SYNPR: variants seen among roughly 807,000 people sequenced by gnomAD.
The protein encoded by SYNPR is synaptoporin.
Under a neutral mutation model 32.9 loss-of-function variants are expected in SYNPR, and 23 were observed. The observed-to-expected ratio is 0.70, with a 90% CI of 0.50 to 0.99. The LOEUF is 0.99. SYNPR is among the 50% of genes least tolerant of loss of function. The pLI is 0.00. For synonymous variants in SYNPR, 146 were observed against 135.9 expected, an observed-to-expected ratio of 1.07 and a Z score of -0.52; for missense variants, 318 against 349.3, an observed-to-expected ratio of 0.91 and a Z score of 0.71.
intron 2 of SYNPR, among the ~76,000 whole-genome samples, chr3:63,400,047 G>T (rs574355654): frequency 6.6e-6 from 1 of 152,206 alleles, no homozygotes; most frequent in Non-Finnish European, 1.5e-5. Context: ...ATTCTGCAGA[G>T]GATGAGCAAG....
chr3:63,445,984 C>T (rs1700270692), intron 2 of SYNPR, among the ~76,000 whole-genome samples: 1 of 152,132 alleles, frequency 6.6e-6, no homozygotes, highest in South Asian at 2.1e-4. Flanking sequence ...TATTTCCACT[C>T]AACTTGAGCA....
chr3:63,346,312 A>AT lies in SYNPR; in HGVS notation c.84+67577dup, dbSNP rs376422582. Among the ~76,000 whole-genome samples, 302 of 151,920 alleles carry AT rather than the reference A, an allele frequency of 2.0e-3. 4 individuals are homozygous for AT. The highest frequency in any genetic ancestry group is 6.3e-3 in the African/African-American group (261 of 41,460). On this transcript the variant is annotated intron_variant, in intron 2 of 5. Transcript: ENST00000478300. ...ATATACTATTATGACAATTTTTTTC[A>AT]TTTTTTTGGTAGATTTATGTTTATA...
chr3:63,525,955 C>T (rs563058499), intron 3 of SYNPR, among the ~76,000 whole-genome samples: 1 of 152,320 alleles, frequency 6.6e-6, no homozygotes, highest in Non-Finnish European at 1.5e-5. Context: ...CCATCTGCTT[C>T]TGGTGAGAGC....
At chr3:63,408,638 A>G (rs2088421334) in intron 2 of SYNPR, among the ~76,000 whole-genome samples, 1 of 152,174 alleles carries the variant, frequency 6.6e-6, no homozygotes, top group Non-Finnish European at 1.5e-5. Flanking sequence ...CCCAAGGACA[A>G]GAGAAGAAGG....
At chr3:63,218,133 A>C in the SYNPR span, among the ~76,000 whole-genome samples, 1 of 152,176 alleles carries the variant, frequency 6.6e-6, no homozygotes, top group Non-Finnish European at 1.5e-5. Flanking sequence ...ACCTTGTCCC[A>C]AAAATACATT....
At chr3:63,356,692 TC>T (rs1409998558) in intron 2 of SYNPR, among the ~76,000 whole-genome samples, 2 of 152,202 alleles carry the variant, frequency 1.3e-5, no homozygotes, top group African/African-American at 2.4e-5. Context: ...CACTCACCTT[TC>T]CGGTCCCCAT....
At chr3:63,545,069 C>T (rs1446350064) in intron 3 of SYNPR, among the ~76,000 whole-genome samples, 1 of 150,404 alleles carries the variant, frequency 6.6e-6, no homozygotes. Flanking sequence ...CCATTGGACA[C>T]AAAATGGAGA....
chr3:63,502,264 C>A (rs143890922), intron 3 of SYNPR, among the ~76,000 whole-genome samples: 77 of 152,086 alleles, frequency 5.1e-4, no homozygotes, highest in Admixed American at 9.8e-4. Flanking sequence ...AGGCTCACAG[C>A]AAAATGGAGA....
intron 2 of SYNPR, among the ~76,000 whole-genome samples, chr3:63,390,158 A>G (rs2088112601): frequency 6.6e-6 from 1 of 152,192 alleles, no homozygotes; most frequent in South Asian, 2.1e-4. Context: ...GGGAACAAGA[A>G]AATCATTCTG....
chr3:63,476,032 G>A (rs1360028704), intron 2 of SYNPR, among the ~76,000 whole-genome samples: 3 of 149,448 alleles, frequency 2.0e-5, no homozygotes, highest in South Asian at 4.3e-4. Context: ...TGGAAGAAAG[G>A]TAGGGAGGAA....
At chr3:63,257,364 G>A (rs1394329236) in intron 2 of SYNPR, among the ~76,000 whole-genome samples, 1 of 152,208 alleles carries the variant, frequency 6.6e-6, no homozygotes, top group Non-Finnish European at 1.5e-5. Context: ...ACTAACAGCA[G>A]ATATCTCAGC....
chr3:63,252,067 A>G lies in SYNPR; in HGVS notation n.67-432A>G, dbSNP rs114497457. Among the ~76,000 whole-genome samples, 521 of 152,186 alleles carry G rather than the reference A, an allele frequency of 3.4e-3. 1 individual carries two copies. Among genetic ancestry groups the G allele is most frequent in the African/African-American group, 0.012 (512 of 41,540 alleles). On this transcript the variant is annotated intron_variant and non_coding_transcript_variant, in intron 1 of 4. Transcript: ENST00000478456. ...GGAGTATTATGTATCTATTAAAAAT[A>G]AAGAGGCAAGTAAATATACTCTGAT... is the stretch of plus-strand genomic sequence containing the variant.
At chr3:63,430,745 G>A (rs1192036873) in intron 2 of SYNPR, among the ~76,000 whole-genome samples, 1 of 152,074 alleles carries the variant, frequency 6.6e-6, no homozygotes, top group East Asian at 1.9e-4. Flanking sequence ...TCACTTATTT[G>A]TTGGATTTTT....
the SYNPR span, chr3:63,203,068 G>GTGTATATA: frequency 7.6e-4 from 82 of 108,580 alleles, 1 homozygote; most frequent in Middle Eastern, 4.5e-3. Flanking sequence ...ATATGTATGT[G>GTGTATATA]TATATATATA....
intron 2 of SYNPR, among the ~76,000 whole-genome samples, chr3:63,363,352 C>T (rs1046097574): frequency 3.3e-5 from 5 of 152,192 alleles, no homozygotes; most frequent in African/African-American, 9.6e-5. Context: ...CATGTTAAAA[C>T]CACCTTTCAG....
At chr3:63,564,447 A>C (rs1702749093) in intron 4 of SYNPR, among the ~76,000 whole-genome samples, 1 of 151,602 alleles carries the variant, frequency 6.6e-6, no homozygotes, top group Non-Finnish European at 1.5e-5. Flanking sequence ...CACCTGCCTC[A>C]GCCTCCCAAA....
chr3:63,492,850 T>C (rs1701281451), intron 3 of SYNPR, among the ~76,000 whole-genome samples: 1 of 152,122 alleles, frequency 6.6e-6, no homozygotes, highest in Non-Finnish European at 1.5e-5. Context: ...TCCTTACATC[T>C]GTTTTCTTTC....
chr3:63,398,828 G>A (rs193016835), intron 2 of SYNPR, among the ~76,000 whole-genome samples: 65 of 152,320 alleles, frequency 4.3e-4, no homozygotes, highest in African/African-American at 1.5e-3. Context: ...AGGAATATCT[G>A]AGGGGACCAC....
chr3:63,382,012 C>T (rs992684471), intron 2 of SYNPR, among the ~76,000 whole-genome samples: 2 of 152,070 alleles, frequency 1.3e-5, no homozygotes, highest in Non-Finnish European at 2.9e-5. Flanking sequence ...CTTTTATATC[C>T]CCAGTTTATA....
Sources: allele counts gnomAD v4.1 joint callset (sites outside exome capture counted in the v4.1 genomes callset), GRCh38; gene constraint gnomAD v4.1.1; transcripts MANE v1.5; gene names NCBI Gene and HGNC (gene_info 2026-07-23, HGNC 2026-07-21).